Variants in TRMT11 observed in about 807,000 individuals in gnomAD.
The protein encoded by TRMT11 is tRNA (guanine(10)-N(2))-methyltransferase TRMT11.
Under a neutral mutation model 62.8 loss-of-function variants are expected in TRMT11, and 53 were observed. The ratio of observed to expected loss-of-function variants is 0.84; its 90% confidence interval spans 0.68 to 1.06. TRMT11 has a LOEUF of 1.06. Ranked by LOEUF, TRMT11 falls within the 50% of genes least tolerant of loss-of-function variation. The probability of loss-of-function intolerance (pLI) is 0.00; values close to 1 mark genes in which losing one functional copy is unlikely to be tolerated. For synonymous variants in TRMT11, 188 were observed against 190.3 expected (o/e 0.99, Z 0.10); for missense variants, 556 against 553.4 (o/e 1.00, Z -0.05).
the TRMT11 span, among the ~76,000 whole-genome samples, chr6:126,264,225 T>G: frequency 6.6e-5 from 10 of 152,324 alleles, no homozygotes; most frequent in African/African-American, 2.4e-4. Flanking sequence ...TCTTTATCAA[T>G]TCTGTGAGGA....
the TRMT11 span, among the ~76,000 whole-genome samples, chr6:126,261,741 G>T: frequency 6.6e-6 from 1 of 152,170 alleles, no homozygotes; most frequent in Non-Finnish European, 1.5e-5. Flanking sequence ...GGTCTAGGCT[G>T]CATGAGTTTA....
intron 8 of TRMT11, 83 bp from the exon 9 acceptor site, chr6:126,011,170 G>A: frequency 8.0e-7 from 1 of 1,242,622 alleles, no homozygotes; most frequent in South Asian, 1.7e-5. Context: ...GTTTCAGTGA[G>A]TTAAAACATT....
At chr6:126,175,495 T>G (rs571110552), upstream of TRMT11, among the ~76,000 whole-genome samples, 4 of 152,182 alleles carry the variant, frequency 2.6e-5, no homozygotes, top group Non-Finnish European at 4.4e-5. Context: ...AAAACTGCCC[T>G]CAAATATCTG....
the TRMT11 span, among the ~76,000 whole-genome samples, chr6:126,216,623 C>T: frequency 6.6e-6 from 1 of 152,102 alleles, no homozygotes; most frequent in African/African-American, 2.4e-5. Flanking sequence ...ATTGGTGCTC[C>T]ATTATATGCT....
the TRMT11 span, among the ~76,000 whole-genome samples, chr6:126,251,759 T>C: frequency 3.3e-5 from 5 of 152,314 alleles, no homozygotes; most frequent in East Asian, 9.6e-4. Context: ...AGGGAAATAA[T>C]CCGAACTCAT....
At chr6:126,226,045 A>G in the TRMT11 span, among the ~76,000 whole-genome samples, 1 of 152,182 alleles carries the variant, frequency 6.6e-6, no homozygotes, top group Non-Finnish European at 1.5e-5. Context: ...GTCACTCTGG[A>G]CCATTAAATG....
At chr6:126,093,026 A>G (rs1432316266) in intron 17 of TRMT11, among the ~76,000 whole-genome samples, 1 of 152,174 alleles carries the variant, frequency 6.6e-6, no homozygotes, top group Admixed American at 6.5e-5. Context: ...GGAATGTAAT[A>G]TTTTAATCTG....
At chr6:126,094,868 C>G in intron 17 of TRMT11, among the ~76,000 whole-genome samples, 1 of 152,146 alleles carries the variant, frequency 6.6e-6, no homozygotes, top group East Asian at 1.9e-4. Flanking sequence ...CACATACTAC[C>G]TTATTTTACC....
At chr6:126,249,428 C>T in the TRMT11 span, among the ~76,000 whole-genome samples, 1 of 152,158 alleles carries the variant, frequency 6.6e-6, no homozygotes, top group Admixed American at 6.5e-5. Flanking sequence ...CTGCAGGGAA[C>T]TACATTTAAA....
exon 18 of TRMT11, among the ~76,000 whole-genome samples, chr6:126,112,940 T>A (rs1014377892): frequency 4.6e-5 from 7 of 152,112 alleles, no homozygotes; most frequent in African/African-American, 1.7e-4. Context: ...ACAGTCAAGA[T>A]AACCTATTAC....
intron 19 of TRMT11, among the ~76,000 whole-genome samples, chr6:126,114,994 C>T (rs554703507): frequency 6.6e-6 from 1 of 152,066 alleles, no homozygotes; most frequent in Admixed American, 6.6e-5. Flanking sequence ...TTTAGTTTCT[C>T]TCTTAGAATT....
chr6:126,252,400 T>C, the TRMT11 span, among the ~76,000 whole-genome samples: 1,498 of 152,312 alleles, frequency 9.8e-3, 32 homozygotes, highest in African/African-American at 0.033. Flanking sequence ...AACTCCAAGG[T>C]GCTCTAAGAG....
the TRMT11 span, chr6:126,258,251 C>T: frequency 1.7e-6 from 1 of 584,760 alleles, no homozygotes; most frequent in South Asian, 1.5e-5. Context: ...CGGGCCTCCT[C>T]CTGCGGCCCT....
intron 7 of TRMT11, among the ~76,000 whole-genome samples, chr6:126,007,588 A>G (rs891307929): frequency 1.3e-5 from 2 of 152,114 alleles, no homozygotes; most frequent in African/African-American, 4.8e-5. Context: ...ATTGTGTACA[A>G]TTTTTTCTTA....
At chr6:126,126,140 T>A (rs1349997721) in intron 21 of TRMT11, among the ~76,000 whole-genome samples, 2 of 152,092 alleles carry the variant, frequency 1.3e-5, no homozygotes, top group African/African-American at 4.8e-5. Context: ...ATTGAAGTTT[T>A]CCACCTGCTT....
At chr6:126,239,153 G>C in the TRMT11 span, among the ~76,000 whole-genome samples, 28 of 151,832 alleles carry the variant, frequency 1.8e-4, no homozygotes, top group Non-Finnish European at 2.8e-4. Flanking sequence ...GATGGGTCTT[G>C]ACTATCCAAT....
intron 17 of TRMT11, among the ~76,000 whole-genome samples, chr6:126,080,734 C>T (rs533100068): frequency 3.3e-5 from 5 of 152,262 alleles, no homozygotes; most frequent in African/African-American, 1.2e-4. Flanking sequence ...CTAGTTAAAA[C>T]GGGAGCATTC....
At chr6:126,077,460 G>A (rs562192906) in intron 17 of TRMT11, among the ~76,000 whole-genome samples, 1 of 152,258 alleles carries the variant, frequency 6.6e-6, no homozygotes, top group Non-Finnish European at 1.5e-5. Context: ...ACACAAAGGA[G>A]ATAAGAGGCT....
At chr6:126,073,775 C>G (rs575193745) in intron 17 of TRMT11, among the ~76,000 whole-genome samples, 1 of 151,984 alleles carries the variant, frequency 6.6e-6, no homozygotes, top group Non-Finnish European at 1.5e-5. Context: ...TCTGTTCTCA[C>G]GCTGCGAATA....
Sources: gnomAD v4.1 joint callset for allele counts (sites outside exome capture counted in the v4.1 genomes callset) on GRCh38, gnomAD v4.1.1 for gene constraint, MANE v1.5 for transcripts, NCBI Gene and HGNC (gene_info 2026-07-23, HGNC 2026-07-21) for gene names.